Variants in TMEM132D observed in about 807,000 individuals in gnomAD.
TMEM132D encodes the protein mature OL transmembrane protein.
Under a neutral mutation model 62.3 loss-of-function variants are expected in TMEM132D, and 21 were observed. The ratio of observed to expected loss-of-function variants is 0.34; its 90% CI spans 0.24 to 0.49. TMEM132D has a LOEUF of 0.49. Among genes scored for constraint, TMEM132D ranks in the 20% least tolerant of loss-of-function variants. The pLI, the probability that TMEM132D is intolerant of heterozygous loss-of-function variation, is 0.99. For missense variants in TMEM132D, 1,346 were observed against 1,402.8 expected (o/e 0.96, Z 0.65); for synonymous variants, 621 against 575.6 (o/e 1.08, Z -1.13).
intron 5 of TMEM132D, among the ~76,000 whole-genome samples, chr12:129,202,731 GCCT>G (rs1878740104): frequency 6.6e-6 from 1 of 152,040 alleles, no homozygotes; most frequent in South Asian, 2.1e-4. Context: ...AGAAAGAACC[GCCT>G]CCTATTTCCC....
intron 2 of TMEM132D, among the ~76,000 whole-genome samples, chr12:129,561,257 T>C (rs749866956): frequency 7.9e-5 from 12 of 152,206 alleles, no homozygotes; most frequent in Non-Finnish European, 1.2e-4. Flanking sequence ...ATAAACAGTC[T>C]GAACCACTCA....
intron 3 of TMEM132D, among the ~76,000 whole-genome samples, chr12:129,486,239 C>A (rs1874574949): frequency 1.3e-5 from 2 of 152,234 alleles, no homozygotes; most frequent in Admixed American, 1.3e-4. Context: ...ACATCACACA[C>A]CTTTTATCAG....
chr12:129,466,355 T>TGGAG (rs1293901399), intron 3 of TMEM132D, among the ~76,000 whole-genome samples: 1 of 135,304 alleles, frequency 7.4e-6, no homozygotes, highest in Non-Finnish European at 1.5e-5. Context: ...TCACACAGGC[T>TGGAG]GGAGTGCAGG....
At position 129,760,603 on chromosome 12, in the gene TMEM132D, T is replaced by C. The variant is rs768382404; in HGVS notation, c.80-59905A>G. 7.3e-5 allele frequency among the ~76,000 whole-genome samples: 11 copies of C among 151,108 alleles called. 1 individual carries two copies. The highest frequency in any genetic ancestry group is 2.4e-4 in the African/African-American group (10 of 41,168). ...GTTCCGGATCCGCCTGCCTCAAGCC[T>C]CCTGAAGTACTGGGATTACAGGCAT... On this transcript the variant is annotated intron_variant, in intron 1 of 8. Transcript: ENST00000422113.
At chr12:129,758,324 T>C (rs1210273705) in intron 1 of TMEM132D, among the ~76,000 whole-genome samples, 2 of 152,224 alleles carry the variant, frequency 1.3e-5, no homozygotes, top group Middle Eastern at 3.2e-3. Context: ...GAATAATTCC[T>C]ACTTATTCTT....
At chr12:129,718,057 C>A (rs1868657486) in intron 1 of TMEM132D, among the ~76,000 whole-genome samples, 1 of 152,228 alleles carries the variant, frequency 6.6e-6, no homozygotes, top group Non-Finnish European at 1.5e-5. Flanking sequence ...GAGGGTAGCT[C>A]ACTCCTGCTA....
intron 3 of TMEM132D, among the ~76,000 whole-genome samples, chr12:129,489,933 A>G (rs1182709115): frequency 6.6e-6 from 1 of 152,238 alleles, no homozygotes; most frequent in Non-Finnish European, 1.5e-5. Context: ...TCTGTCAATA[A>G]CAGAGAGGAA....
intron 1 of TMEM132D, among the ~76,000 whole-genome samples, chr12:129,766,639 C>T (rs1381851949): frequency 1.3e-5 from 2 of 152,128 alleles, no homozygotes; most frequent in African/African-American, 4.8e-5. Context: ...TAATGCTTGT[C>T]TCCAGTGGCT....
chr12:129,654,011 G>T (rs182679570), intron 2 of TMEM132D, among the ~76,000 whole-genome samples: 2 of 152,086 alleles, frequency 1.3e-5, no homozygotes, highest in Non-Finnish European at 2.9e-5. Flanking sequence ...TGTTTTTGAG[G>T]ATCTACATAG....
intron 2 of TMEM132D, among the ~76,000 whole-genome samples, chr12:129,675,773 C>T (rs1263246059): frequency 6.6e-6 from 1 of 152,168 alleles, no homozygotes; most frequent in African/African-American, 2.4e-5. Context: ...GCTCCAAACA[C>T]ACCCACACAC....
chr12:129,855,540 G>C (rs1357768345), intron 1 of TMEM132D, among the ~76,000 whole-genome samples: 1 of 19,214 alleles, frequency 5.2e-5, no homozygotes, highest in African/African-American at 2.2e-4. Context: ...AACGGGATGG[G>C]TGCCCTTGTA....
At chr12:129,313,657 C>T (rs1220922801) in intron 4 of TMEM132D, among the ~76,000 whole-genome samples, 1 of 151,918 alleles carries the variant, frequency 6.6e-6, no homozygotes, top group African/African-American at 2.4e-5. Context: ...TGTGAATTGT[C>T]CCACTATAAA....
At chr12:129,429,151 G>A (rs1297509375) in intron 3 of TMEM132D, among the ~76,000 whole-genome samples, 1 of 149,516 alleles carries the variant, frequency 6.7e-6, no homozygotes, top group Non-Finnish European at 1.5e-5. Flanking sequence ...GTTACTCACT[G>A]TAGTCCAAAG....
At chr12:129,276,784 C>G (rs1174330866) in intron 4 of TMEM132D, among the ~76,000 whole-genome samples, 1 of 152,214 alleles carries the variant, frequency 6.6e-6, no homozygotes, top group Non-Finnish European at 1.5e-5. Context: ...AGTATAATGA[C>G]ATGCAATTTG....
chr12:129,155,767 C>T (rs1411006689), intron 5 of TMEM132D, among the ~76,000 whole-genome samples: 2 of 151,906 alleles, frequency 1.3e-5, no homozygotes, highest in Admixed American at 6.5e-5. Context: ...CCCAAGATAG[C>T]TAACACATGT....
rs141776024 is a variant in TMEM132D at position 129,663,084 on chromosome 12, G to A, written c.968+36726C>T. ...CTTTATACCTAGTCAATAGGACACCGTTCCAGGCAGAAGAAAGGTGAAAGG... is the reference window on the plus strand; with the variant it reads ...CTTTATACCTAGTCAATAGGACACCATTCCAGGCAGAAGAAAGGTGAAAGG... On this transcript the variant is annotated intron_variant, in intron 2 of 8. Transcript: ENST00000422113. 2.4e-3 allele frequency among the ~76,000 whole-genome samples: 366 copies of A among 151,562 alleles called. 3 individuals carry two copies. Among genetic ancestry groups the A allele is most frequent in the African/African-American group, 8.5e-3 (353 of 41,342 alleles).
At chr12:129,150,099 G>A (rs1375645299) in intron 5 of TMEM132D, among the ~76,000 whole-genome samples, 1 of 152,252 alleles carries the variant, frequency 6.6e-6, no homozygotes, top group Non-Finnish European at 1.5e-5. Flanking sequence ...GTGTCCCAGA[G>A]GACAGCACAG....
At chr12:129,696,208 A>C (rs1881204165) in intron 2 of TMEM132D, among the ~76,000 whole-genome samples, 1 of 152,170 alleles carries the variant, frequency 6.6e-6, no homozygotes, top group African/African-American at 2.4e-5. Context: ...GCCCTTTGTC[A>C]AACACTTGTA....
chr12:129,344,175 G>A (rs992508660), intron 3 of TMEM132D, among the ~76,000 whole-genome samples: 18 of 151,990 alleles, frequency 1.2e-4, no homozygotes, highest in Non-Finnish European at 2.1e-4. Flanking sequence ...CTGTGGACTC[G>A]CCCTGAATTC....
Sources: allele counts gnomAD v4.1 joint callset (sites outside exome capture counted in the v4.1 genomes callset), GRCh38; gene constraint gnomAD v4.1.1; transcripts MANE v1.5; gene names NCBI Gene and HGNC (gene_info 2026-07-23, HGNC 2026-07-21).